The following RBFOX1 variants were observed in gnomAD, a reference collection of about 807,000 sequenced individuals.
The protein encoded by RBFOX1 is RNA binding protein fox-1 homolog 1.
A neutral mutation model predicts 57.7 loss-of-function variants in RBFOX1; 8 were observed. That is an observed-to-expected ratio of 0.14 (90% CI 0.08 to 0.25). RBFOX1 has a LOEUF of 0.25. RBFOX1 is among the 10% of genes least tolerant of loss of function. RBFOX1 has a pLI of 1.00. For synonymous variants in RBFOX1, 326 were observed against 222.4 expected, an observed-to-expected ratio of 1.47 and a Z score of -4.15; for missense variants, 611 against 548.5, an observed-to-expected ratio of 1.11 and a Z score of -1.14.
In RBFOX1 at chr16:7,713,276, TGG is replaced by T. The variant is rs2084263688; in HGVS notation, c.*2532_*2533del. 1.3e-5 allele frequency: 2 copies of T among 152,202 alleles called. No individual in the cohort carries two copies. Among genetic ancestry groups the T allele is most frequent in the Non-Finnish European group, 2.9e-5 (2 of 68,044 alleles). The allele number at this position is 152,202 out of a possible 1,614,324, so 9.4% of individuals were successfully genotyped here. A position where few individuals can be genotyped will look rare whatever the true frequency, so the allele number is the denominator to read the frequency against. On this transcript the variant is annotated 3_prime_UTR_variant, in exon 16 of 16. Transcript: ENST00000550418. Reference sequence around the variant, plus strand: ...AAATTAGTGTTTATATCACTTACAGTGGTTTGTGAATAAAGAAAACTGGTTTG... The same window carrying T: ...AAATTAGTGTTTATATCACTTACAGTTTTGTGAATAAAGAAAACTGGTTTG...
chr16:7,171,409 C>A (rs2080676529), intron 4 of RBFOX1, among the ~76,000 whole-genome samples: 1 of 152,196 alleles, frequency 6.6e-6, no homozygotes, highest in African/African-American at 2.4e-5. Flanking sequence ...GCTAATGTCA[C>A]TTTATCCCTG....
chr16:5,356,912 C>T (rs1596640448), intron 1 of RBFOX1, among the ~76,000 whole-genome samples: 1 of 152,158 alleles, frequency 6.6e-6, no homozygotes, highest in African/African-American at 2.4e-5. Context: ...TGCTTTGTTA[C>T]CTGGCATTAG....
chr16:7,500,515 T>G (rs1040521934), intron 4 of RBFOX1, among the ~76,000 whole-genome samples: 1 of 152,222 alleles, frequency 6.6e-6, no homozygotes, highest in Non-Finnish European at 1.5e-5. Flanking sequence ...ATATGCATCA[T>G]GCATCTAAGC....
chr16:6,560,387 A>AGG (rs568177104), intron 2 of RBFOX1, among the ~76,000 whole-genome samples: 1 of 117,978 alleles, frequency 8.5e-6, no homozygotes, highest in Non-Finnish European at 2.0e-5. Flanking sequence ...GGAGAGGGCC[A>AGG]GTGTGGGCCT....
intron 1 of RBFOX1, among the ~76,000 whole-genome samples, chr16:6,081,979 T>G (rs1401030530): frequency 6.6e-6 from 1 of 152,108 alleles, no homozygotes; most frequent in Non-Finnish European, 1.5e-5. Context: ...ACATGGTGTG[T>G]GGTTAATATT....
At chr16:5,398,654 G>T (rs755922350) in intron 1 of RBFOX1, among the ~76,000 whole-genome samples, 1 of 152,088 alleles carries the variant, frequency 6.6e-6, no homozygotes, top group Admixed American at 6.6e-5. Flanking sequence ...GAGTTGAAGG[G>T]AGTCCAGTGG....
intron 4 of RBFOX1, among the ~76,000 whole-genome samples, chr16:7,238,496 T>C (rs1223643732): frequency 2.0e-5 from 3 of 150,576 alleles, no homozygotes; most frequent in Non-Finnish European, 2.9e-5. Context: ...TTAGTACTTT[T>C]TCCTAGGTTA....
chr16:7,149,118 C>G (rs898158144), intron 4 of RBFOX1, among the ~76,000 whole-genome samples: 141 of 152,274 alleles, frequency 9.3e-4, no homozygotes, highest in African/African-American at 3.2e-3. Context: ...ACCCAGGTTT[C>G]CAGACATGGA....
chr16:7,552,481 GA>G (rs1301092342), intron 5 of RBFOX1, among the ~76,000 whole-genome samples: 1 of 152,132 alleles, frequency 6.6e-6, no homozygotes, highest in East Asian at 1.9e-4. Context: ...GAGTCTAATG[GA>G]ACGGCCTGAA....
chr16:5,943,019 G>A (rs1439414372), intron 4 of RBFOX1, among the ~76,000 whole-genome samples: 2 of 152,180 alleles, frequency 1.3e-5, no homozygotes, highest in African/African-American at 4.8e-5. Flanking sequence ...CTGACCACAA[G>A]CTCAGTATGG....
Position 7,313,475 on chromosome 16 carries a change from C to CTT in RBFOX1, c.28-204662_28-204661dup, listed in dbSNP as rs5815390. Among the ~76,000 whole-genome samples, 1,029 of 144,236 alleles carry CTT rather than the reference C, an allele frequency of 7.1e-3. 9 individuals are homozygous for CTT. The highest frequency in any genetic ancestry group is 0.031 in the East Asian group (157 of 4,986). The allele number at this position is 144,236 out of a possible 152,430, so 94.6% of individuals were successfully genotyped here. ...TTTATCTTTTTTTTTCTTTTCTTGT[C>CTT]TTTTTTTTTTTAAGGCTCTTTGGTT... On this transcript the variant is annotated intron_variant, in intron 4 of 15. Coordinates refer to ENST00000550418, the MANE Select transcript of RBFOX1 (RefSeq NM_018723.4).
intron 4 of RBFOX1, among the ~76,000 whole-genome samples, chr16:7,402,205 T>C (rs952512519): frequency 5.3e-5 from 8 of 152,114 alleles, no homozygotes; most frequent in South Asian, 2.1e-4. Flanking sequence ...TACATTTAAG[T>C]ACTCACTGAG....
intron 4 of RBFOX1, among the ~76,000 whole-genome samples, chr16:7,184,377 G>A (rs888862045): frequency 6.6e-6 from 1 of 152,210 alleles, no homozygotes; most frequent in African/African-American, 2.4e-5. Context: ...AAGTGCAAGA[G>A]GTTTTAGTAG....
At chr16:6,292,287 A>AC (rs2077549647) in intron 1 of RBFOX1, among the ~76,000 whole-genome samples, 1 of 151,826 alleles carries the variant, frequency 6.6e-6, no homozygotes, top group South Asian at 2.1e-4. Flanking sequence ...AAGAAGCTGA[A>AC]TTTTTCCAAT....
Position 6,375,716 on chromosome 16 carries a change from A to T in RBFOX1, c.-64+58659A>T, listed in dbSNP as rs565729181. Among the ~76,000 whole-genome samples, 6 of 152,232 alleles carry T rather than the reference A, an allele frequency of 3.9e-5. No homozygotes were observed. The South Asian group carries it at 1.2e-3, about 32-fold the overall frequency. On this transcript the variant is annotated intron_variant, in intron 2 of 15. Transcript: ENST00000550418. ...TCACAGCGGACCGTTGATTAACCCA[A>T]GGTCACCTGGCTCTGGTTTCTGACG...
At chr16:7,286,871 C>T (rs969165650) in intron 4 of RBFOX1, among the ~76,000 whole-genome samples, 1 of 151,908 alleles carries the variant, frequency 6.6e-6, no homozygotes, top group Non-Finnish European at 1.5e-5. Flanking sequence ...TCAGATGATC[C>T]ACCCGCCTCA....
chr16:7,114,742 A>T (rs1255592819), intron 4 of RBFOX1, among the ~76,000 whole-genome samples: 2 of 152,170 alleles, frequency 1.3e-5, no homozygotes, highest in African/African-American at 4.8e-5. Context: ...TGCTAGGTGC[A>T]TGGAAACTTT....
intron 3 of RBFOX1, among the ~76,000 whole-genome samples, chr16:6,772,450 G>A (rs563816097): frequency 6.6e-6 from 1 of 151,856 alleles, no homozygotes; most frequent in African/African-American, 2.4e-5. Context: ...GTGTATGTAT[G>A]TGTGGGCATG....
chr16:5,535,287 C>T (rs528220971), intron 2 of RBFOX1, among the ~76,000 whole-genome samples: 2 of 152,324 alleles, frequency 1.3e-5, no homozygotes, highest in East Asian at 3.9e-4. Flanking sequence ...ATCATCAGCT[C>T]ATCTACAGTA....
Sources: gnomAD v4.1 joint callset for allele counts (sites outside exome capture counted in the v4.1 genomes callset) on GRCh38, gnomAD v4.1.1 for gene constraint, MANE v1.5 for transcripts, NCBI Gene and HGNC (gene_info 2026-07-23, HGNC 2026-07-21) for gene names.